FOXP1: variants seen among roughly 807,000 people sequenced by gnomAD.
FOXP1 encodes the protein forkhead box P1, also known as forkhead box protein P1.
FOXP1 carries 15 observed loss-of-function variants against 98.2 expected under a neutral mutation model. The ratio of observed to expected loss-of-function variants is 0.15; its 90% CI spans 0.10 to 0.24. FOXP1 has a LOEUF of 0.24. Ranked by LOEUF, FOXP1 falls within the 10% of genes least tolerant of loss-of-function variation. FOXP1 has a pLI of 1.00. For missense variants in FOXP1, 633 were observed against 848.5 expected (o/e 0.75, Z 3.15); for synonymous variants, 371 against 314.5 (o/e 1.18, Z -1.90).
chr3:71,395,211 T>C (rs1477617843), intron 3 of FOXP1, among the ~76,000 whole-genome samples: 1 of 151,230 alleles, frequency 6.6e-6, no homozygotes, highest in Non-Finnish European at 1.5e-5. Context: ...ATTTGGCTCA[T>C]GACTGAACAG....
chr3:71,366,357 A>G (rs2078931663), intron 3 of FOXP1, among the ~76,000 whole-genome samples: 1 of 152,194 alleles, frequency 6.6e-6, no homozygotes, highest in African/African-American at 2.4e-5. Context: ...ACAAAGGCAT[A>G]TTTTATAGGT....
intron 3 of FOXP1, among the ~76,000 whole-genome samples, chr3:71,410,533 T>A (rs1170425038): frequency 6.6e-6 from 1 of 152,238 alleles, no homozygotes; most frequent in African/African-American, 2.4e-5. Context: ...GCTGTGTCCT[T>A]ATGATTATGC....
At chr3:71,219,010 A>T (rs2065153593) in intron 5 of FOXP1, among the ~76,000 whole-genome samples, 1 of 152,242 alleles carries the variant, frequency 6.6e-6, no homozygotes, top group Non-Finnish European at 1.5e-5. Context: ...CAAGCTCTGA[A>T]ATCAAGCTAG....
chr3:71,180,669 C>T (rs1237667399), intron 6 of FOXP1, among the ~76,000 whole-genome samples: 7 of 152,090 alleles, frequency 4.6e-5, no homozygotes, highest in South Asian at 2.1e-4. Flanking sequence ...ATCCAATCCC[C>T]GCCCTCCACC....
At chr3:71,164,638 T>C (rs1205799502) in intron 6 of FOXP1, among the ~76,000 whole-genome samples, 3 of 152,232 alleles carry the variant, frequency 2.0e-5, no homozygotes, top group Non-Finnish European at 4.4e-5. Context: ...AGAAAGTCTA[T>C]TCACAAAAGG....
chr3:71,130,593 C>T (rs1435425692), intron 6 of FOXP1: 11 of 1,598,364 alleles, frequency 6.9e-6, no homozygotes, highest in Admixed American at 1.7e-5. Context: ...TTCTGCGAAG[C>T]GGGGGTTGCC....
chr3:71,496,784 C>T (rs570272266), intron 2 of FOXP1, among the ~76,000 whole-genome samples: 2 of 151,688 alleles, frequency 1.3e-5, no homozygotes, highest in Admixed American at 6.6e-5. Context: ...TCCAGCCTGG[C>T]GACAGAGCAA....
At chr3:71,063,144 C>A (rs2051781867) in intron 7 of FOXP1, among the ~76,000 whole-genome samples, 2 of 152,196 alleles carry the variant, frequency 1.3e-5, no homozygotes, top group South Asian at 4.1e-4. Context: ...AGTAAGTCAG[C>A]CAGTGTCTCT....
intron 12 of FOXP1, 61 bp downstream of exon 12, chr3:71,015,488 G>T: frequency 1.7e-6 from 2 of 1,161,542 alleles, no homozygotes; most frequent in Admixed American, 3.5e-5. Flanking sequence ...TATGAGCAAA[G>T]CATGAACGGT....
intron 2 of FOXP1, among the ~76,000 whole-genome samples, chr3:71,556,412 C>A (rs1255719897): frequency 6.6e-6 from 1 of 151,804 alleles, no homozygotes; most frequent in Admixed American, 6.6e-5. Flanking sequence ...TCTGTCTCTA[C>A]TAAAAACACA....
intron 5 of FOXP1, among the ~76,000 whole-genome samples, chr3:71,226,213 G>A (rs2106685328): frequency 6.6e-6 from 1 of 152,340 alleles, no homozygotes. Context: ...CCATTTCCTA[G>A]AGCTAACTCA....
chr3:71,426,631 C>G (rs2084178830), intron 3 of FOXP1, among the ~76,000 whole-genome samples: 1 of 152,220 alleles, frequency 6.6e-6, no homozygotes, highest in Non-Finnish European at 1.5e-5. Context: ...CATCCCACCT[C>G]AAGGTCTCCT....
chr3:71,429,480 G>A (rs2084487276), intron 3 of FOXP1, among the ~76,000 whole-genome samples: 1 of 137,894 alleles, frequency 7.3e-6, no homozygotes, highest in Admixed American at 7.2e-5. Flanking sequence ...GAGAACTTGG[G>A]GGTGGGGGGG....
At position 70,956,036 on chromosome 3, in the gene FOXP1, AT is replaced by A. The variant is rs1455246888; in HGVS notation, c.*3210del. The A allele has an allele frequency of 4.3e-6, 1 of 233,158 alleles. No homozygotes were observed. The highest frequency in any genetic ancestry group is 6.0e-5 in the East Asian group (1 of 16,584). The allele number at this position is 233,158 out of a possible 1,614,324, so 14.4% of individuals were successfully genotyped here. ...AAATACATGTGCAGCATATTCTGCA[AT>A]TCCGTTACATACAGTAGTTTTTTTT... On this transcript the variant is annotated 3_prime_UTR_variant, in exon 21 of 21. Transcript: ENST00000649528.
intron 13 of FOXP1, 128 bp downstream of exon 13, chr3:71,000,844 T>TAAAATA (rs1395214949): frequency 2.5e-6 from 1 of 404,230 alleles, no homozygotes; most frequent in Non-Finnish European, 4.5e-6. Context: ...TAAAATAAAA[T>TAAAATA]AAAGGACAAT....
At chr3:71,300,808 T>G (rs2073776189) in intron 4 of FOXP1, among the ~76,000 whole-genome samples, 1 of 152,236 alleles carries the variant, frequency 6.6e-6, no homozygotes, top group Non-Finnish European at 1.5e-5. Context: ...AATGTTAATA[T>G]CTTTTTGCTC....
At chr3:70,959,491 A>G in intron 20 of FOXP1, 100 bp from the exon 21 acceptor site, 1 of 1,286,258 alleles carries the variant, frequency 7.8e-7, no homozygotes, top group Non-Finnish European at 1.1e-6. Flanking sequence ...GCACTCTAGA[A>G]CTAGAACTCT....
chr3:71,049,650 G>A (rs774749982), intron 9 of FOXP1, among the ~76,000 whole-genome samples: 1 of 151,938 alleles, frequency 6.6e-6, no homozygotes, highest in Non-Finnish European at 1.5e-5. Context: ...GGGGGTGGGG[G>A]GAGCCTGACA....
intron 13 of FOXP1, among the ~76,000 whole-genome samples, chr3:70,988,553 C>G (rs1277272664): frequency 6.6e-6 from 1 of 152,232 alleles, no homozygotes; most frequent in Non-Finnish European, 1.5e-5. Flanking sequence ...ATGATATTAG[C>G]AGGCCAGGAG....
Sources: allele counts gnomAD v4.1 joint callset (sites outside exome capture counted in the v4.1 genomes callset), GRCh38; gene constraint gnomAD v4.1.1; transcripts MANE v1.5; gene names NCBI Gene and HGNC (gene_info 2026-07-23, HGNC 2026-07-21).